The following SLC17A1 variants were observed in gnomAD, a reference collection of about 807,000 sequenced individuals.
SLC17A1 encodes solute carrier family 17 member 1.
SLC17A1 carries 51 observed loss-of-function variants against 53.5 expected under a neutral mutation model. That is an observed-to-expected ratio of 0.95 (90% confidence interval 0.76 to 1.20). The LOEUF (loss-of-function observed/expected upper bound fraction) is 1.20, where lower values mean the gene tolerates loss of function less well. Ranked by LOEUF, SLC17A1 falls within the 50% of genes most tolerant of loss-of-function variation. SLC17A1 has a pLI of 0.00. For synonymous variants in SLC17A1, 179 were observed against 198.8 expected, an observed-to-expected ratio of 0.90 and a Z score of 0.84; for missense variants, 538 against 568.2, an observed-to-expected ratio of 0.95 and a Z score of 0.54.
the SLC17A1 span, among the ~76,000 whole-genome samples, chr6:25,751,808 T>C: frequency 6.6e-6 from 1 of 151,868 alleles, no homozygotes; most frequent in Non-Finnish European, 1.5e-5. Context: ...GTACTTGCCA[T>C]ACCTCAAGAC....
chr6:25,736,987 G>C, the SLC17A1 span, among the ~76,000 whole-genome samples: 2 of 152,118 alleles, frequency 1.3e-5, no homozygotes, highest in Non-Finnish European at 2.9e-5. Flanking sequence ...ACCGCCCTTG[G>C]TTATTTCTGG....
chr6:25,777,704 C>A, the SLC17A1 span: 1 of 448,372 alleles, frequency 2.2e-6, no homozygotes, highest in African/African-American at 2.0e-5. Flanking sequence ...AGTACCAGTC[C>A]CTAGCACAGG....
chr6:25,731,865 C>G, the SLC17A1 span: 2 of 1,602,788 alleles, frequency 1.2e-6, no homozygotes, highest in African/African-American at 1.3e-5. Flanking sequence ...CAGCAGCAGG[C>G]GCACGGCCGT....
chr6:25,750,554 T>A, the SLC17A1 span, among the ~76,000 whole-genome samples: 206 of 151,996 alleles, frequency 1.4e-3, no homozygotes, highest in African/African-American at 4.3e-3. Context: ...CAAATCAAGG[T>A]GGTAACCATT....
chr6:25,800,843 A>T, intron 11 of SLC17A1, 47 bp downstream of exon 11: 1 of 1,191,100 alleles, frequency 8.4e-7, no homozygotes, highest in Non-Finnish European at 1.2e-6. Flanking sequence ...ATCTTTCTCT[A>T]TACAATTAAT....
chr6:25,819,626 T>A (rs1425990477), intron 4 of SLC17A1, 28 bp from the exon 5 acceptor site: 10 of 1,611,264 alleles, frequency 6.2e-6, no homozygotes, highest in Non-Finnish European at 8.5e-6. Context: ...TGACATTTAA[T>A]CTCTAATACT....
chr6:25,821,521 A>G (rs1314757008), intron 3 of SLC17A1, among the ~76,000 whole-genome samples: 1 of 152,192 alleles, frequency 6.6e-6, no homozygotes, highest in Non-Finnish European at 1.5e-5. Context: ...CACAGGAAGC[A>G]CCAAGGAAGT....
At chr6:25,754,301 C>A in the SLC17A1 span, among the ~76,000 whole-genome samples, 2 of 152,206 alleles carry the variant, frequency 1.3e-5, no homozygotes, top group African/African-American at 4.8e-5. Flanking sequence ...AATCAGAAAA[C>A]CATAAAAATC....
the SLC17A1 span, chr6:25,769,986 A>G: frequency 8.4e-7 from 1 of 1,191,674 alleles, no homozygotes; most frequent in African/African-American, 1.5e-5. Context: ...ACTGCCAATT[A>G]ATTTTTGCCT....
chr6:25,806,004 G>A (rs766753613), intron 10 of SLC17A1, among the ~76,000 whole-genome samples: 1 of 151,950 alleles, frequency 6.6e-6, no homozygotes, highest in East Asian at 1.9e-4. Flanking sequence ...TGAGGAAGAG[G>A]GAATCCTCCT....
the SLC17A1 span, among the ~76,000 whole-genome samples, chr6:25,740,360 T>C: frequency 1.3e-5 from 2 of 151,668 alleles, no homozygotes; most frequent in East Asian, 3.9e-4. Context: ...TTACAAGATA[T>C]AACTTCAAGC....
chr6:25,786,844 C>T (rs1009603486), intron 12 of SLC17A1, among the ~76,000 whole-genome samples: 4 of 152,116 alleles, frequency 2.6e-5, no homozygotes, highest in Admixed American at 2.0e-4. Flanking sequence ...AGTGCTCACA[C>T]CCCTCTCCCT....
At chr6:25,725,605 A>C in the SLC17A1 span, among the ~76,000 whole-genome samples, 145,416 of 152,116 alleles carry the variant, frequency 0.96, 69,676 homozygotes, top group Non-Finnish European at 0.99. Context: ...ACATACATAA[A>C]TCTAGTTTGA....
intron 8 of SLC17A1, 99 bp downstream of exon 8, chr6:25,812,732 T>C: frequency 1.2e-6 from 1 of 812,290 alleles, no homozygotes; most frequent in East Asian, 2.7e-5. Context: ...CCAGATAGTG[T>C]GAGGAGCTGG....
At chr6:25,726,026 G>C in the SLC17A1 span, 4 of 997,084 alleles carry the variant, frequency 4.0e-6, no homozygotes, top group African/African-American at 1.6e-5. Flanking sequence ...GTTAACAGCA[G>C]TAACGTTTTG....
At chr6:25,739,442 T>C in the SLC17A1 span, among the ~76,000 whole-genome samples, 41,264 of 152,042 alleles carry the variant, frequency 0.27, 6,810 homozygotes, top group East Asian at 0.7. Context: ...CTAAGGGACA[T>C]AAATATTCAG....
intron 10 of SLC17A1, 147 bp downstream of exon 10, chr6:25,811,251 A>G (rs1418452861): frequency 1.7e-5 from 13 of 776,336 alleles, no homozygotes; most frequent in South Asian, 4.2e-5. Context: ...CAAAAATGCT[A>G]AGTGTGTGAG....
At chr6:25,818,549 C>G (rs1161696489) in intron 6 of SLC17A1, among the ~76,000 whole-genome samples, 1 of 152,128 alleles carries the variant, frequency 6.6e-6, no homozygotes, top group Non-Finnish European at 1.5e-5. Context: ...CATAATAGAA[C>G]CTATCCACAT....
At chr6:25,752,780 G>A in the SLC17A1 span, among the ~76,000 whole-genome samples, 15 of 151,856 alleles carry the variant, frequency 9.9e-5, no homozygotes, top group Non-Finnish European at 1.5e-4. Flanking sequence ...GTGAAACCCC[G>A]TCTCTACTAA....
Sources: allele counts gnomAD v4.1 joint callset (sites outside exome capture counted in the v4.1 genomes callset), GRCh38; gene constraint gnomAD v4.1.1; transcripts MANE v1.5; gene names NCBI Gene and HGNC (gene_info 2026-07-23, HGNC 2026-07-21).